ZNF804B: variants seen among roughly 807,000 people sequenced by gnomAD.
The protein encoded by ZNF804B is zinc finger protein 804B.
A neutral mutation model predicts 101.4 loss-of-function variants in ZNF804B; 80 were observed. The ratio of observed to expected loss-of-function variants is 0.79; its 90% confidence interval spans 0.66 to 0.95. The LOEUF (loss-of-function observed/expected upper bound fraction) is 0.95. ZNF804B is among the 40% of genes least tolerant of loss of function. ZNF804B has a pLI of 0.00. For synonymous variants in ZNF804B, 622 were observed against 558.8 expected (o/e 1.11, Z -1.59); for missense variants, 1,673 against 1,561.9 (o/e 1.07, Z -1.20).
rs73401139 is a variant in ZNF804B at position 89,294,910 on chromosome 7, C to T, written c.250-32434C>T. Among the ~76,000 whole-genome samples, 533 of 152,160 alleles carry T rather than the reference C, an allele frequency of 3.5e-3. 5 individuals carry two copies. Among genetic ancestry groups the T allele is most frequent in the African/African-American group, 0.012 (510 of 41,520 alleles). On this transcript the variant is annotated intron_variant, in intron 2 of 3. Transcript: ENST00000333190. ...GGTTTTTCCAATTAATGGGGATTCA[C>T]TTTCATATATCTAAGGACATTAATT... is the stretch of plus-strand genomic sequence containing the variant.
intron 1 of ZNF804B, among the ~76,000 whole-genome samples, chr7:88,886,197 G>A (rs1472992634): frequency 6.6e-6 from 1 of 152,068 alleles, no homozygotes; most frequent in African/African-American, 2.4e-5. Flanking sequence ...AAATTTGGGA[G>A]GTTTTGTGGT....
intron 1 of ZNF804B, among the ~76,000 whole-genome samples, chr7:88,842,399 C>G (rs956235869): frequency 1.3e-5 from 2 of 152,170 alleles, no homozygotes; most frequent in Non-Finnish European, 2.9e-5. Flanking sequence ...GAACATAAAT[C>G]ATATCACAGT....
At chr7:88,924,517 C>T (rs1207643863) in intron 1 of ZNF804B, among the ~76,000 whole-genome samples, 1 of 152,024 alleles carries the variant, frequency 6.6e-6, no homozygotes, top group Non-Finnish European at 1.5e-5. Context: ...GACTAGCTAC[C>T]TCTCCTACAT....
intron 1 of ZNF804B, among the ~76,000 whole-genome samples, chr7:89,198,536 G>C (rs1788587494): frequency 6.6e-6 from 1 of 151,772 alleles, no homozygotes; most frequent in South Asian, 2.1e-4. Flanking sequence ...AAAAAATAAT[G>C]TGACCTTGAG....
At position 89,327,431 on chromosome 7, in the gene ZNF804B, A is replaced by G. The variant is rs753071665; in HGVS notation, c.337A>G (p.Lys113Glu). 4 of 1,611,674 alleles carry G rather than the reference A, an allele frequency of 2.5e-6. No individual in the cohort carries two copies. Among genetic ancestry groups the G allele is most frequent in the Non-Finnish European group, 3.4e-6 (4 of 1,178,620 alleles). The change falls in exon 3 of 4, where the codon AAA becomes GAA. Residue 113 changes from lysine to glutamate, a missense_variant. By Grantham distance (56) the Lys-to-Glu change is moderately conservative. Transcript: ENST00000333190. The stretch of plus-strand genomic sequence containing the variant: ...TGAGAAAAAACAAGAAAAAGCACTT[A>G]AACGACTTCATCAGCTGGCTGAGTT... ...KDEKKQEKAL[K>E]RLHQLAELRQ... is the part of the protein sequence containing the mutation.
At chr7:88,952,034 G>A (rs1476709547) in intron 1 of ZNF804B, among the ~76,000 whole-genome samples, 3 of 151,834 alleles carry the variant, frequency 2.0e-5, no homozygotes, top group East Asian at 3.9e-4. Context: ...TAGCTACAAA[G>A]CAATGGCATT....
At chr7:89,230,685 T>G (rs955674049) in intron 2 of ZNF804B, among the ~76,000 whole-genome samples, 1 of 152,032 alleles carries the variant, frequency 6.6e-6, no homozygotes, top group Non-Finnish European at 1.5e-5. Flanking sequence ...GAGAAGATAT[T>G]CTGTTGAACA....
At chr7:89,172,792 A>G (rs1018786602) in intron 1 of ZNF804B, among the ~76,000 whole-genome samples, 3 of 152,188 alleles carry the variant, frequency 2.0e-5, no homozygotes, top group African/African-American at 4.8e-5. Flanking sequence ...ATAAAACATG[A>G]TCTTAGCTTT....
chr7:89,141,488 T>G (rs1790714805), intron 1 of ZNF804B, among the ~76,000 whole-genome samples: 3 of 152,096 alleles, frequency 2.0e-5, no homozygotes, highest in Admixed American at 1.3e-4. Context: ...AATGCTCACC[T>G]TTTGGTTATT....
intron 1 of ZNF804B, among the ~76,000 whole-genome samples, chr7:89,211,290 G>A (rs117204825): frequency 0.037 from 5,619 of 152,004 alleles, 106 homozygotes; most frequent in Admixed American, 0.044. Flanking sequence ...CCACTCTTTA[G>A]GCTGCCTGTT....
At chr7:88,969,024 G>T (rs1793495988) in intron 1 of ZNF804B, among the ~76,000 whole-genome samples, 1 of 151,328 alleles carries the variant, frequency 6.6e-6, no homozygotes, top group Non-Finnish European at 1.5e-5. Context: ...CTGAAAATTG[G>T]GTTTTTATTA....
At chr7:89,026,117 C>T (rs966471907) in intron 1 of ZNF804B, among the ~76,000 whole-genome samples, 3 of 152,100 alleles carry the variant, frequency 2.0e-5, no homozygotes, top group Non-Finnish European at 2.9e-5. Flanking sequence ...GTGCCAAGTG[C>T]TGTGCTAAGC....
intron 1 of ZNF804B, among the ~76,000 whole-genome samples, chr7:88,845,777 A>G (rs969740424): frequency 1.3e-5 from 2 of 152,120 alleles, no homozygotes; most frequent in Admixed American, 6.5e-5. Context: ...CCAGTTTGCA[A>G]CTGATTGCTG....
chr7:89,063,169 T>G (rs1562874169), intron 1 of ZNF804B, among the ~76,000 whole-genome samples: 1 of 152,070 alleles, frequency 6.6e-6, no homozygotes, highest in East Asian at 1.9e-4. Flanking sequence ...CCTCCCCAAT[T>G]AGAAAGAAAT....
At chr7:89,000,166 T>G (rs2116169941) in intron 1 of ZNF804B, among the ~76,000 whole-genome samples, 1 of 152,154 alleles carries the variant, frequency 6.6e-6, no homozygotes, top group South Asian at 2.1e-4. Flanking sequence ...TAACTGGTTC[T>G]GTCCTAATTC....
chr7:88,864,320 T>C (rs371135235), intron 1 of ZNF804B, among the ~76,000 whole-genome samples: 9 of 152,228 alleles, frequency 5.9e-5, no homozygotes, highest in East Asian at 1.9e-4. Flanking sequence ...TTATCTCTGC[T>C]ATGGCTTCTA....
chr7:88,902,310 C>T (rs764309905), intron 1 of ZNF804B, among the ~76,000 whole-genome samples: 13 of 151,962 alleles, frequency 8.6e-5, no homozygotes, highest in Non-Finnish European at 1.6e-4. Context: ...TTTCCAGCAG[C>T]GCATCTCTAT....
At chr7:89,212,827 A>T (rs1287384155) in intron 1 of ZNF804B, among the ~76,000 whole-genome samples, 1 of 152,130 alleles carries the variant, frequency 6.6e-6, no homozygotes, top group East Asian at 1.9e-4. Flanking sequence ...TCTTAAAATA[A>T]CTAGTTCACA....
At position 88,936,106 on chromosome 7, in the gene ZNF804B, T is replaced by A. The variant is rs1005504672; in HGVS notation, c.108+176022T>A. On this transcript the variant is annotated intron_variant, in intron 1 of 3. Transcript: ENST00000333190. ...TCCTTCCTTCATCTTTCTTCCTTTT[T>A]TTTTTTAAAAAAAATAACATATGCC... is the stretch of plus-strand genomic sequence containing the variant. Among the ~76,000 whole-genome samples the A allele has an allele frequency of 6.6e-5, 10 of 151,426 alleles. No individual in the cohort carries two copies. The South Asian group carries it at 8.3e-4, about 13-fold the overall frequency.
Sources: allele counts gnomAD v4.1 joint callset (sites outside exome capture counted in the v4.1 genomes callset), GRCh38; gene constraint gnomAD v4.1.1; transcripts MANE v1.5; gene names NCBI Gene and HGNC (gene_info 2026-07-23, HGNC 2026-07-21).